PIP5K1B: variants seen among roughly 807,000 people sequenced by gnomAD.
PIP5K1B encodes phosphatidylinositol-4-phosphate 5-kinase type 1 beta.
Under a neutral mutation model 67.0 loss-of-function variants are expected in PIP5K1B, and 42 were observed. The ratio of observed to expected loss-of-function variants is 0.63; its 90% confidence interval spans 0.49 to 0.81. The LOEUF is 0.81. Ranked by LOEUF, PIP5K1B falls within the 30% of genes least tolerant of loss-of-function variation. The pLI, the probability that PIP5K1B is intolerant of heterozygous loss-of-function variation, is 0.00. For missense variants in PIP5K1B, 459 were observed against 646.3 expected (o/e 0.71, Z 3.14); for synonymous variants, 214 against 231.4 (o/e 0.92, Z 0.68).
At chr9:68,970,812 GC>G (rs1829323079) in intron 14 of PIP5K1B, among the ~76,000 whole-genome samples, 1 of 152,124 alleles carries the variant, frequency 6.6e-6, no homozygotes, top group South Asian at 2.1e-4. Context: ...CCAGCATGTT[GC>G]CAGCAGCCAC....
At chr9:68,902,504 A>G (rs1464600501) in intron 8 of PIP5K1B, among the ~76,000 whole-genome samples, 1 of 152,208 alleles carries the variant, frequency 6.6e-6, no homozygotes, top group Non-Finnish European at 1.5e-5. Context: ...AGTTTATAAC[A>G]TTCACCCGCT....
chr9:68,714,187 G>A (rs534342526), intron 1 of PIP5K1B, among the ~76,000 whole-genome samples: 52 of 152,134 alleles, frequency 3.4e-4, no homozygotes, highest in Non-Finnish European at 6.8e-4. Context: ...ATATCCCAAA[G>A]GCACCTCAAA....
intron 14 of PIP5K1B, among the ~76,000 whole-genome samples, chr9:68,971,483 C>T (rs573835232): frequency 1.3e-5 from 2 of 152,220 alleles, no homozygotes; most frequent in Non-Finnish European, 2.9e-5. Context: ...ATAGTAGAAT[C>T]GTTTATAATC....
chr9:68,950,496 C>T (rs1027128322), intron 14 of PIP5K1B, among the ~76,000 whole-genome samples: 4 of 152,190 alleles, frequency 2.6e-5, no homozygotes, highest in Non-Finnish European at 5.9e-5. Flanking sequence ...CTGCCATGGC[C>T]TCTCTTCGAG....
intron 1 of PIP5K1B, among the ~76,000 whole-genome samples, chr9:68,724,247 T>C (rs1203708651): frequency 2.0e-5 from 3 of 151,714 alleles, no homozygotes. Flanking sequence ...GTTTTTTTTT[T>C]TTTGTTTTTT....
chr9:68,755,719 A>G (rs1248866210), intron 2 of PIP5K1B, among the ~76,000 whole-genome samples: 1 of 152,212 alleles, frequency 6.6e-6, no homozygotes, highest in Non-Finnish European at 1.5e-5. Flanking sequence ...AAATAAGACA[A>G]CTAAAGTTAT....
At chr9:68,900,604 C>G (rs995182746) in intron 8 of PIP5K1B, among the ~76,000 whole-genome samples, 1 of 152,112 alleles carries the variant, frequency 6.6e-6, no homozygotes, top group African/African-American at 2.4e-5. Flanking sequence ...TTAGTGAGAA[C>G]TTGTGTTTAC....
chr9:68,721,345 A>G (rs749507408), intron 1 of PIP5K1B, among the ~76,000 whole-genome samples: 1 of 152,184 alleles, frequency 6.6e-6, no homozygotes, highest in Non-Finnish European at 1.5e-5. Flanking sequence ...GATAGGGAAG[A>G]GTGAGTAGAT....
chr9:68,840,331 C>A (rs377131553), intron 4 of PIP5K1B, among the ~76,000 whole-genome samples: 5 of 151,190 alleles, frequency 3.3e-5, no homozygotes, highest in Non-Finnish European at 2.9e-5. Flanking sequence ...GAACTGAGAT[C>A]GCGCCATTGC....
intron 2 of PIP5K1B, among the ~76,000 whole-genome samples, chr9:68,757,166 A>G (rs1829966395): frequency 6.6e-6 from 1 of 152,254 alleles, no homozygotes; most frequent in Non-Finnish European, 1.5e-5. Context: ...AATTACCATT[A>G]TATAAAATTT....
intron 2 of PIP5K1B, among the ~76,000 whole-genome samples, chr9:68,742,929 T>C (rs1587372855): frequency 6.6e-6 from 1 of 152,236 alleles, no homozygotes; most frequent in African/African-American, 2.4e-5. Flanking sequence ...CAATGATGGA[T>C]AGTAGGTCTC....
chr9:68,735,316 CTTTTTTTTTTTTTT>C (rs558810934), intron 1 of PIP5K1B, among the ~76,000 whole-genome samples: 4 of 29,806 alleles, frequency 1.3e-4, no homozygotes, highest in African/African-American at 3.9e-4. Context: ...CCCCTAGTGT[CTTTTTTTTTTTTTT>C]TTTTTTTTTT....
At chr9:68,912,047 C>T (rs1825880272) in intron 8 of PIP5K1B, among the ~76,000 whole-genome samples, 1 of 152,150 alleles carries the variant, frequency 6.6e-6, no homozygotes, top group African/African-American at 2.4e-5. Context: ...AATCTATCCA[C>T]TTCTCCCTCG....
chr9:68,781,178 ACTT>A (rs764408297), intron 2 of PIP5K1B: 9 of 1,063,058 alleles, frequency 8.5e-6, no homozygotes, highest in Non-Finnish European at 1.2e-5. Context: ...ATTCTAGAGA[ACTT>A]CTATGTCAGG....
At chr9:68,710,505 G>A (rs1462481723) in intron 1 of PIP5K1B, among the ~76,000 whole-genome samples, 1 of 152,098 alleles carries the variant, frequency 6.6e-6, no homozygotes, top group East Asian at 1.9e-4. Flanking sequence ...TATAAGATTA[G>A]GTCAGGGAAA....
At position 69,009,063 on chromosome 9, in the gene PIP5K1B, TTGAAATATTTG is replaced by T. The variant is rs1292134202; in HGVS notation, c.*618_*628del. 59 of 152,788 alleles carry T rather than the reference TTGAAATATTTG, an allele frequency of 3.9e-4. 1 individual carries two copies. Among genetic ancestry groups the T allele is most frequent in the African/African-American group, 1.3e-3 (56 of 41,576 alleles). 9.5% of individuals were successfully genotyped at this position (152,788 alleles called of 1,614,324 possible). On this transcript the variant is annotated 3_prime_UTR_variant, in exon 16 of 16. Coordinates refer to ENST00000265382, the MANE Select transcript of PIP5K1B (RefSeq NM_003558.4). ...CTTATGTCGTGTACATACATTGTCT[TTGAAATATTTG>T]TGATCTAGTTTATTGCTTGTAAAAG...
intron 2 of PIP5K1B, chr9:68,780,100 G>T (rs1308965772): frequency 1.4e-6 from 2 of 1,470,740 alleles, no homozygotes; most frequent in African/African-American, 1.5e-5. Flanking sequence ...CGGCGGCCCT[G>T]GACTGCGGGG....
intron 2 of PIP5K1B, among the ~76,000 whole-genome samples, chr9:68,816,662 G>A (rs893091444): frequency 3.3e-5 from 5 of 152,180 alleles, no homozygotes; most frequent in African/African-American, 9.7e-5. Flanking sequence ...GTATGCTAAA[G>A]GTGGCTTGTC....
intron 12 of PIP5K1B, among the ~76,000 whole-genome samples, 170 bp from the exon 13 acceptor site, chr9:68,934,720 A>G (rs1827166873): frequency 6.6e-6 from 1 of 152,244 alleles, no homozygotes; most frequent in South Asian, 2.1e-4. Context: ...CATCGTATTC[A>G]TCAGATGAAA....
Sources: gnomAD v4.1 joint callset for allele counts (sites outside exome capture counted in the v4.1 genomes callset) on GRCh38, gnomAD v4.1.1 for gene constraint, MANE v1.5 for transcripts, NCBI Gene and HGNC (gene_info 2026-07-23, HGNC 2026-07-21) for gene names.